Variants in NEK3 observed in about 807,000 individuals in gnomAD.
NEK3 encodes serine/threonine-protein kinase Nek3.
Under a neutral mutation model 66.0 loss-of-function variants are expected in NEK3, and 54 were observed. That is an observed-to-expected ratio of 0.82 (90% CI 0.66 to 1.03). NEK3 has a LOEUF of 1.03. NEK3 is among the 50% of genes least tolerant of loss of function. The pLI is 0.00. For missense variants in NEK3, 593 were observed against 603.0 expected (o/e 0.98, Z 0.17); for synonymous variants, 200 against 206.2 (o/e 0.97, Z 0.26).
intron 1 of NEK3, chr13:52,156,465 G>T: frequency 3.5e-6 from 1 of 282,924 alleles, no homozygotes; most frequent in South Asian, 4.6e-5. Context: ...ATAAATGCAG[G>T]GCATAAATTT....
At position 52,136,797 on chromosome 13, in the gene NEK3, T is replaced by C; in HGVS notation, c.1030+3A>G. On this transcript the variant is annotated splice_donor_region_variant and intron_variant, in intron 12 of 15. Transcript: ENST00000610828. ...AGAAATGATTAGAATTTGAATAACT[T>C]ACCTTTTTCTTCTCTGTTTACTCTT... 6.5e-7 allele frequency: 1 copy of C among 1,538,722 alleles called. No individual in the cohort carries two copies. The highest frequency in any genetic ancestry group is 8.8e-7 in the Non-Finnish European group (1 of 1,136,782).
intron 7 of NEK3, among the ~76,000 whole-genome samples, chr13:52,150,877 C>G (rs17069418): frequency 6.6e-6 from 1 of 152,112 alleles, no homozygotes; most frequent in East Asian, 1.9e-4. Context: ...TAATTCATAC[C>G]GTCCCTAGAA....
Position 52,144,826 on chromosome 13 carries a change from C to G in NEK3, c.669G>C (p.Pro223=). 6.2e-7 allele frequency: 1 copy of G among 1,613,108 alleles called. No individual in the cohort carries two copies. Among genetic ancestry groups the G allele is most frequent in the Non-Finnish European group, 8.5e-7 (1 of 1,179,464 alleles). ...KVCQGCISPL[P]SHYSYELQFL... is the part of the protein sequence containing the mutation. ...ACTGAAGTTCATAGGAGTAATGAGA[C>G]GGCAGTGGACTGATGCACCCTTGAC... The change falls in exon 9 of 16, where the codon CCG becomes CCC. Residue 223 remains proline (P), a synonymous_variant. Coordinates refer to ENST00000610828, the MANE Select transcript of NEK3 (RefSeq NM_002498.3).
chr13:52,151,012 C>T (rs1183180315), intron 7 of NEK3, 134 bp downstream of exon 7: 1 of 677,142 alleles, frequency 1.5e-6, no homozygotes, highest in African/African-American at 1.8e-5. Flanking sequence ...TATATTTCTG[C>T]TTTCAGATAT....
chr13:52,154,875 T>C (rs1956379158), intron 2 of NEK3, among the ~76,000 whole-genome samples: 1 of 149,798 alleles, frequency 6.7e-6, no homozygotes, highest in Non-Finnish European at 1.5e-5. Context: ...GGAAGATCGC[T>C]TGAGCCCAGG....
chr13:52,140,972 G>A lies in NEK3; in HGVS notation c.927+48C>T, dbSNP rs767553725. Reference sequence around the variant, plus strand: ...TGGGATTACAGGCTTGCACCACCACGCCCGGCCACCGCGCCCGGCCTCATA... The same window carrying A: ...TGGGATTACAGGCTTGCACCACCACACCCGGCCACCGCGCCCGGCCTCATA... On this transcript the variant is annotated intron_variant, in intron 11 of 15. Transcript: ENST00000610828. 4.3e-5 allele frequency: 63 copies of A among 1,475,478 alleles called. 1 individual carries two copies. Among genetic ancestry groups the A allele is most frequent in the South Asian group, 3.7e-4 (30 of 80,340 alleles). 91.4% of individuals were successfully genotyped at this position (1,475,478 alleles called of 1,614,324 possible).
chr13:52,141,688 G>T (rs1956251278), intron 10 of NEK3, among the ~76,000 whole-genome samples: 1 of 152,094 alleles, frequency 6.6e-6, no homozygotes, highest in African/African-American at 2.4e-5. Flanking sequence ...CATTATTCTG[G>T]TCTGTCTACA....
chr13:52,154,056 A>T (rs760279850), intron 3 of NEK3, 24 bp downstream of exon 3: 1 of 1,603,236 alleles, frequency 6.2e-7, no homozygotes, highest in Admixed American at 1.7e-5. Flanking sequence ...AGAAATGCAC[A>T]TATCTGGGGG....
At chr13:52,144,628 G>A in intron 9 of NEK3, 63 bp downstream of exon 9, 2 of 1,312,840 alleles carry the variant, frequency 1.5e-6, no homozygotes, top group Admixed American at 1.8e-5. Context: ...AATGTTAAAA[G>A]ATAACAAACC....
chr13:52,137,355 A>C (rs1239211834), intron 11 of NEK3, among the ~76,000 whole-genome samples: 2 of 152,156 alleles, frequency 1.3e-5, no homozygotes, highest in Non-Finnish European at 2.9e-5. Context: ...ATCTTTCCAA[A>C]TTATCTAAGC....
At chr13:52,146,493 A>G (rs1300711516) in intron 8 of NEK3, among the ~76,000 whole-genome samples, 5 of 152,238 alleles carry the variant, frequency 3.3e-5, no homozygotes, top group African/African-American at 1.2e-4. Context: ...AGGGCACTAT[A>G]GTCCTTAATA....
rs1196925720 is a variant in NEK3 at position 52,140,571 on chromosome 13, G to T, written c.927+449C>A. Among the ~76,000 whole-genome samples, 3 of 152,042 alleles carry T rather than the reference G, an allele frequency of 2.0e-5. No individual in the cohort carries two copies. In the East Asian group the frequency reaches 5.9e-4, roughly 30 times the overall value. The stretch of plus-strand genomic sequence containing the variant: ...TGCAGTGAGCCAAGATGGTGCCACT[G>T]CACTCCAGCCTGGGTGACAGAGCAA... On this transcript the variant is annotated intron_variant, in intron 11 of 15. Coordinates refer to ENST00000610828, the MANE Select transcript of NEK3 (RefSeq NM_002498.3).
At chr13:52,149,643 G>A (rs1337060724) in intron 7 of NEK3, among the ~76,000 whole-genome samples, 1 of 152,080 alleles carries the variant, frequency 6.6e-6, no homozygotes, top group East Asian at 1.9e-4. Context: ...GCCGAGCCGG[G>A]CAGATCACAA....
chr13:52,146,434 C>CT (rs1956296385), intron 8 of NEK3, among the ~76,000 whole-genome samples: 1 of 152,138 alleles, frequency 6.6e-6, no homozygotes, highest in Non-Finnish European at 1.5e-5. Flanking sequence ...TTGAGAACAA[C>CT]TTTTGTCTTC....
At position 52,144,768 on chromosome 13, in the gene NEK3, A is replaced by C. The variant is rs757718559; in HGVS notation, c.727T>G (p.Ser243Ala). The C allele has an allele frequency of 3.7e-6, 6 of 1,613,778 alleles. No individual in the cohort carries two copies. Among genetic ancestry groups the C allele is most frequent in the Non-Finnish European group, 5.1e-6 (6 of 1,179,870 alleles). The stretch of plus-strand genomic sequence containing the variant: ...AGCGTTGTAGCCGAGGGGCGATGTG[A>C]GGGATTCCTTTTAAACATCTGCTTG... ...LVKQMFKRNP[S>A]HRPSATTLLS... is the part of the protein sequence containing the mutation. The change falls in exon 9 of 16, where the codon TCA becomes GCA. Residue 243 changes from serine to alanine, a missense_variant. Physicochemically the swap from Ser to Ala is moderately conservative, Grantham distance 99 (BLOSUM62 1). Transcript: ENST00000610828.
At chr13:52,144,091 CA>C (rs1184066660) in intron 9 of NEK3, 104 bp from the exon 10 acceptor site, 7 of 696,476 alleles carry the variant, frequency 1.0e-5, no homozygotes, top group Admixed American at 3.2e-5. Flanking sequence ...AATAATATTT[CA>C]AGTTGAAAAA....
At chr13:52,157,908 G>C (rs1257243728) in intron 1 of NEK3, among the ~76,000 whole-genome samples, 1 of 152,136 alleles carries the variant, frequency 6.6e-6, no homozygotes, top group Non-Finnish European at 1.5e-5. Context: ...ACGGAGTCTC[G>C]CTCCTGTTGC....
intron 2 of NEK3, 33 bp downstream of exon 2, chr13:52,156,042 C>T (rs1566863318): frequency 2.9e-6 from 4 of 1,397,320 alleles, no homozygotes; most frequent in South Asian, 1.2e-5. Context: ...TGCATGTATA[C>T]TTTCAAAGTG....
At chr13:52,137,093 T>C (rs1279388471) in intron 11 of NEK3, among the ~76,000 whole-genome samples, 191 bp from the exon 12 acceptor site, 1 of 152,122 alleles carries the variant, frequency 6.6e-6, no homozygotes, top group Admixed American at 6.6e-5. Context: ...AACATATATA[T>C]GTACATTAAC....
Sources: gnomAD v4.1 joint callset for allele counts (sites outside exome capture counted in the v4.1 genomes callset) on GRCh38, gnomAD v4.1.1 for gene constraint, MANE v1.5 for transcripts, NCBI Gene and HGNC (gene_info 2026-07-23, HGNC 2026-07-21) for gene names.